The following CNTN3 variants were observed in gnomAD, a reference collection of about 807,000 sequenced individuals.
The protein encoded by CNTN3 is contactin-3.
CNTN3 carries 60 observed loss-of-function variants against 119.1 expected under a neutral mutation model. The ratio of observed to expected loss-of-function variants is 0.50; its 90% CI spans 0.41 to 0.62. The LOEUF (loss-of-function observed/expected upper bound fraction) is 0.62. CNTN3 is among the 20% of genes least tolerant of loss of function. The pLI is 0.00. For missense variants in CNTN3, 1,101 were observed against 1,242.4 expected, an observed-to-expected ratio of 0.89 and a Z score of 1.71; for synonymous variants, 450 against 438.7, an observed-to-expected ratio of 1.03 and a Z score of -0.32.
chr3:74,527,773 C>T (rs1575809646), intron 1 of CNTN3, among the ~76,000 whole-genome samples: 4 of 152,034 alleles, frequency 2.6e-5, no homozygotes, highest in East Asian at 1.9e-4. Context: ...CAAGCCTCTC[C>T]GCAATTATGG....
intron 4 of CNTN3, among the ~76,000 whole-genome samples, chr3:74,428,046 T>C (rs1438033946): frequency 6.6e-6 from 1 of 152,106 alleles, no homozygotes; most frequent in South Asian, 2.1e-4. Context: ...TTTACAACAG[T>C]GATATCATAG....
chr3:74,533,876 G>T (rs996858136), intron 1 of CNTN3, among the ~76,000 whole-genome samples: 1 of 151,996 alleles, frequency 6.6e-6, no homozygotes, highest in African/African-American at 2.4e-5. Flanking sequence ...ACTTGCTGGG[G>T]AGGGATACAG....
intron 4 of CNTN3, among the ~76,000 whole-genome samples, chr3:74,456,407 T>A (rs916206121): frequency 2.0e-5 from 3 of 152,046 alleles, no homozygotes; most frequent in African/African-American, 7.2e-5. Flanking sequence ...CAGCTCTCTG[T>A]ATATATTTTT....
intron 1 of CNTN3, among the ~76,000 whole-genome samples, chr3:74,574,489 T>A (rs1304352235): frequency 6.6e-6 from 1 of 152,194 alleles, no homozygotes. Context: ...ACTTCTAAGA[T>A]CCCTGCTTTA....
chr3:74,316,334 T>C (rs1167832301), intron 13 of CNTN3, among the ~76,000 whole-genome samples: 1 of 152,022 alleles, frequency 6.6e-6, no homozygotes, highest in Non-Finnish European at 1.5e-5. Context: ...AGTAAAAAAA[T>C]AACAGATGAT....
intron 13 of CNTN3, among the ~76,000 whole-genome samples, chr3:74,333,455 G>A (rs1470439656): frequency 6.6e-6 from 1 of 152,138 alleles, no homozygotes; most frequent in Non-Finnish European, 1.5e-5. Flanking sequence ...CTTGGCTTGT[G>A]GCAGCACACC....
At chr3:74,318,369 G>A (rs371207925) in intron 13 of CNTN3, among the ~76,000 whole-genome samples, 16 of 152,196 alleles carry the variant, frequency 1.1e-4, no homozygotes, top group South Asian at 4.1e-4. Context: ...GCTTTGTTCC[G>A]TTGCTGGTGA....
chr3:74,407,465 G>A (rs1484869958), intron 5 of CNTN3, among the ~76,000 whole-genome samples: 1 of 149,122 alleles, frequency 6.7e-6, no homozygotes, highest in African/African-American at 2.5e-5. Flanking sequence ...TAGAGACAGG[G>A]TTTCTCCATG....
intron 1 of CNTN3, among the ~76,000 whole-genome samples, chr3:74,611,741 G>C (rs1333810431): frequency 6.6e-6 from 1 of 152,136 alleles, no homozygotes; most frequent in Non-Finnish European, 1.5e-5. Context: ...CATGTTAAAA[G>C]TATATGCATA....
rs769339357 is a variant in CNTN3, at chr3:74,266,505, G to A, written c.2962C>T (p.Gln988Ter). ...CTGGTTATTCGTGGAATCCTGATCTGTTCACTACTGGTCCCATCCCCTCCA... is the reference window on the plus strand; with the variant it reads ...CTGGTTATTCGTGGAATCCTGATCTATTCACTACTGGTCCCATCCCCTCCA... Reference protein sequence around the residue: ...TDGGDGTSSEQIRIPRITSMD... With the variant: ...TDGGDGTSSE Residue 988 changes from glutamine to a stop codon, truncating the protein, a stop_gained, in exon 22 of 23, where the codon CAG becomes TAG. Transcript: ENST00000263665. LOFTEE classifies it high-confidence loss of function. The A allele has an allele frequency of 6.2e-7, 1 of 1,613,370 alleles. No individual in the cohort carries two copies. The highest frequency in any genetic ancestry group is 8.5e-7 in the Non-Finnish European group (1 of 1,179,476).
chr3:74,339,904 T>C (rs1575737243), intron 11 of CNTN3, among the ~76,000 whole-genome samples: 1 of 71,574 alleles, frequency 1.4e-5, no homozygotes, highest in Non-Finnish European at 3.0e-5. Context: ...GATAGATAGA[T>C]AGATAGATAG....
At chr3:74,333,686 T>C (rs545055323) in intron 13 of CNTN3, among the ~76,000 whole-genome samples, 8 of 151,272 alleles carry the variant, frequency 5.3e-5, no homozygotes, top group South Asian at 4.1e-4. Context: ...TTCTGAGGTA[T>C]TGGACATTAA....
intron 4 of CNTN3, among the ~76,000 whole-genome samples, chr3:74,443,387 C>G (rs1306173312): frequency 6.6e-6 from 1 of 152,194 alleles, no homozygotes; most frequent in African/African-American, 2.4e-5. Flanking sequence ...GTCCTCCTGA[C>G]CAGTCTCATA....
At chr3:74,463,208 T>C (rs1468939213) in intron 4 of CNTN3, among the ~76,000 whole-genome samples, 1 of 152,090 alleles carries the variant, frequency 6.6e-6, no homozygotes, top group East Asian at 1.9e-4. Flanking sequence ...CTTTGCTAAT[T>C]TGTATGTTGT....
intron 4 of CNTN3, among the ~76,000 whole-genome samples, chr3:74,428,523 A>T (rs530487442): frequency 6.6e-6 from 1 of 152,320 alleles, no homozygotes; most frequent in South Asian, 2.1e-4. Context: ...AAGCTTATTG[A>T]ATAAGTGTAC....
rs375382208 is a variant in CNTN3 at position 74,345,742 on chromosome 3, T to C, written c.1365-9084A>G. Among the ~76,000 whole-genome samples the C allele has an allele frequency of 8.5e-5, 13 of 152,366 alleles. No individual in the cohort carries two copies. The East Asian group carries it at 1.4e-3, about 16-fold the overall frequency. On this transcript the variant is annotated intron_variant, in intron 11 of 22. Coordinates refer to ENST00000263665, the MANE Select transcript of CNTN3 (RefSeq NM_020872.3). ...GGCCAGGAGGAGTTGTGTATCTCCT[T>C]ATCACATTGTTTCATTTCATCTTAC...
At position 74,544,662 on chromosome 3, in the gene CNTN3, G is replaced by A. The variant is rs144988653; in HGVS notation, c.-80-23470C>T. Among the ~76,000 whole-genome samples, 931 of 152,138 alleles carry A rather than the reference G, an allele frequency of 6.1e-3. 6 individuals carry two copies. The highest frequency in any genetic ancestry group is 9.8e-3 in the Non-Finnish European group (663 of 67,990). On this transcript the variant is annotated intron_variant, in intron 1 of 22. Coordinates refer to ENST00000263665, the MANE Select transcript of CNTN3 (RefSeq NM_020872.3). ...CACCCAGGCTGGAGTGCAGTGGCGC[G>A]ATATCAGCTCAAGGCAACCTCCACC...
chr3:74,514,374 C>T (rs1009017405), intron 2 of CNTN3, among the ~76,000 whole-genome samples: 15 of 152,098 alleles, frequency 9.9e-5, no homozygotes, highest in African/African-American at 3.6e-4. Context: ...TTTCACTGTA[C>T]ATTCTTCAAA....
Position 74,525,600 on chromosome 3 carries a change from TTTTAAGC to T in CNTN3, c.-80-4415_-80-4409del, listed in dbSNP as rs556630809. 2.2e-4 allele frequency among the ~76,000 whole-genome samples: 34 copies of T among 152,012 alleles called. 1 individual carries two copies. The South Asian group carries it at 5.0e-3, about 22-fold the overall frequency. On this transcript the variant is annotated intron_variant, in intron 1 of 22. Transcript: ENST00000263665. ...GAATATTCTACTATTCACAGGAATG[TTTTAAGC>T]CAAAGAAAAAATAGATAACCTTTAG...
Sources: allele counts gnomAD v4.1 joint callset (sites outside exome capture counted in the v4.1 genomes callset), GRCh38; gene constraint gnomAD v4.1.1; transcripts MANE v1.5; gene names NCBI Gene and HGNC (gene_info 2026-07-23, HGNC 2026-07-21).